The following AFDN variants were observed in gnomAD, a reference collection of about 807,000 sequenced individuals.
AFDN encodes the protein afadin.
Under a neutral mutation model 216.6 loss-of-function variants are expected in AFDN, and 68 were observed. That is an observed-to-expected ratio of 0.31 (90% CI 0.26 to 0.38). AFDN has a LOEUF of 0.38. AFDN is among the 10% of genes least tolerant of loss of function. The pLI is 1.00. For synonymous variants in AFDN, 868 were observed against 853.7 expected (o/e 1.02, Z -0.29); for missense variants, 2,136 against 2,342.0 (o/e 0.91, Z 1.82).
intron 2 of AFDN, 100 bp downstream of exon 2, chr6:167,864,846 T>TC (rs1783992330): frequency 8.3e-7 from 1 of 1,200,154 alleles, no homozygotes; most frequent in South Asian, 1.2e-5. Flanking sequence ...ACTGCTCGTC[T>TC]CCATCTTTCT....
upstream of AFDN, chr6:167,826,804 A>C (rs1419150185): frequency 6.8e-6 from 1 of 147,120 alleles, no homozygotes; most frequent in African/African-American, 2.5e-5. Flanking sequence ...AGCGGCCCGG[A>C]GGTGCGGCGG....
chr6:167,970,105 ATT>A lies in AFDN; in HGVS notation c.*173_*174del. ...AAATGTTTCAATTCCAAGAAATTTT[ATT>A]TTACTTTACCATGAGATTGCCATTT... On this transcript the variant is annotated 3_prime_UTR_variant, in exon 34 of 34. Coordinates refer to ENST00000683244, the MANE Select transcript of AFDN (RefSeq NM_001386888.1). 1 of 589,178 alleles carries A rather than the reference ATT, an allele frequency of 1.7e-6. No individual in the cohort carries two copies. Among genetic ancestry groups the A allele is most frequent in the Non-Finnish European group, 2.8e-6 (1 of 356,148 alleles). The allele number at this position is 589,178 out of a possible 1,614,324, so 36.5% of individuals were successfully genotyped here. A position where few individuals can be genotyped will look rare whatever the true frequency, so the allele number is the denominator to read the frequency against.
intron 32 of AFDN, among the ~76,000 whole-genome samples, chr6:167,966,781 G>A (rs188265673): frequency 1.1e-4 from 17 of 152,314 alleles, no homozygotes; most frequent in African/African-American, 3.4e-4. Context: ...TGGTGTGGCC[G>A]GAGCATCCGC....
intron 30 of AFDN, among the ~76,000 whole-genome samples, chr6:167,961,536 A>G (rs1463748488): frequency 3.9e-5 from 6 of 152,252 alleles, no homozygotes; most frequent in African/African-American, 1.4e-4. Context: ...AATTGAAAAG[A>G]AGGGACTTAG....
At chr6:167,902,628 CTG>C (rs1789133977) in intron 12 of AFDN, among the ~76,000 whole-genome samples, 1 of 152,120 alleles carries the variant, frequency 6.6e-6, no homozygotes, top group South Asian at 2.1e-4. Flanking sequence ...ACAACAATAA[CTG>C]AAGATAAAAT....
Position 167,914,756 on chromosome 6 carries a change from C to A in AFDN, c.2299+18C>A. ...AAAAATAGGTTAGGATGTTTTCTGA[C>A]TGTCTCCCTCTATCCCGCTTCCTTC... On this transcript the variant is annotated intron_variant, in intron 18 of 33. Coordinates refer to ENST00000683244, the MANE Select transcript of AFDN (RefSeq NM_001386888.1). 3 of 1,506,704 alleles carry A rather than the reference C, an allele frequency of 2.0e-6. No individual in the cohort carries two copies. The highest frequency in any genetic ancestry group is 1.4e-5 in the African/African-American group (1 of 72,802). 93.3% of individuals were successfully genotyped at this position (1,506,704 alleles called of 1,614,324 possible). A position where few individuals can be genotyped will look rare whatever the true frequency, so the allele number is the denominator to read the frequency against.
intron 30 of AFDN, among the ~76,000 whole-genome samples, chr6:167,959,682 AAC>A (rs1163620089): frequency 6.6e-6 from 1 of 152,192 alleles, no homozygotes; most frequent in African/African-American, 2.4e-5. Context: ...CAAAATTATA[AAC>A]ACACAGATCT....
At chr6:167,917,497 TGTTGG>T (rs1310883913) in intron 20 of AFDN, among the ~76,000 whole-genome samples, 1 of 152,186 alleles carries the variant, frequency 6.6e-6, no homozygotes, top group African/African-American at 2.4e-5. Context: ...TGCCCAGGAC[TGTTGG>T]GTTCCAGTGT....
At chr6:167,880,280 TCAAGTGAC>T in intron 5 of AFDN, 72 bp from the exon 6 acceptor site, 1 of 1,360,106 alleles carries the variant, frequency 7.4e-7, no homozygotes, top group South Asian at 1.3e-5. Context: ...TACCTTTTTC[TCAAGTGAC>T]TGTAAATGTT....
intron 30 of AFDN, among the ~76,000 whole-genome samples, chr6:167,961,049 A>G (rs1226597968): frequency 6.6e-6 from 1 of 151,358 alleles, no homozygotes; most frequent in African/African-American, 2.4e-5. Flanking sequence ...ATCAAGGGAG[A>G]GTGAAGTTGA....
Position 167,889,196 on chromosome 6 carries a change from A to G in AFDN, c.898-19A>G, listed in dbSNP as rs371938108. On this transcript the variant is annotated intron_variant, in intron 6 of 33. Transcript: ENST00000683244. ...AGTTACTTTGGCACATTCATAGTTA[A>G]TTATTTTTGTTTTTTTAGGTTATGC... 3.2e-4 allele frequency: 490 copies of G among 1,553,208 alleles called. 7 individuals are homozygous for G. In the South Asian group the frequency reaches 5.2e-3, roughly 16 times the overall value.
chr6:167,925,161 G>T, intron 23 of AFDN, 70 bp downstream of exon 23: 3 of 1,079,206 alleles, frequency 2.8e-6, no homozygotes, highest in Non-Finnish European at 4.3e-6. Flanking sequence ...TTGTCAGAGT[G>T]GATCGTGTGG....
chr6:167,951,431 C>G lies in AFDN; in HGVS notation c.4077C>G (p.Thr1359=), dbSNP rs745520239. The change falls in exon 30 of 34, where the codon ACC becomes ACG. Residue 1359 remains threonine, a synonymous_variant. Transcript: ENST00000683244. The surrounding 1 kb of genome is among the most constrained non-coding windows in gnomAD (Gnocchi z 7.1). ...RWKTPAAIPA[T]PVAVSQPIRT... ...AAACACCAGCAGCCATACCGGCCACCCCTGTGGCCGTCTCCCAGCCAATCC... is the reference window on the plus strand; with the variant it reads ...AAACACCAGCAGCCATACCGGCCACGCCTGTGGCCGTCTCCCAGCCAATCC... 6.2e-6 allele frequency: 10 copies of G among 1,613,972 alleles called. No individual in the cohort carries two copies. The African/African-American group carries it at 1.3e-4, about 22-fold the overall frequency.
intron 7 of AFDN, among the ~76,000 whole-genome samples, chr6:167,890,437 C>T (rs1209354864): frequency 6.6e-6 from 1 of 152,048 alleles, no homozygotes; most frequent in Non-Finnish European, 1.5e-5. Flanking sequence ...TAAATTTTTT[C>T]GTGGTGATTT....
chr6:167,830,492 A>G (rs1165925595), intron 1 of AFDN, among the ~76,000 whole-genome samples: 4 of 152,186 alleles, frequency 2.6e-5, no homozygotes, highest in Non-Finnish European at 4.4e-5. Context: ...TGTAGTGAAG[A>G]GTGTTTATTA....
intron 13 of AFDN, 53 bp from the exon 14 acceptor site, chr6:167,911,048 A>G (rs1410470638): frequency 2.1e-6 from 3 of 1,454,628 alleles, no homozygotes; most frequent in Admixed American, 1.9e-5. Flanking sequence ...GTTGTCAGTA[A>G]TATTGTTAGC....
In AFDN at chr6:167,951,535, C is replaced by G; in HGVS notation, c.4181C>G (p.Pro1394Arg). 1 of 1,613,932 alleles carries G rather than the reference C, an allele frequency of 6.2e-7. No individual in the cohort carries two copies. Among genetic ancestry groups the G allele is most frequent in the Non-Finnish European group, 8.5e-7 (1 of 1,179,894 alleles). ...GDFDGMSMDLPLPPPPSANQI... is the reference protein window; with the variant it reads ...GDFDGMSMDLRLPPPPSANQI... ...TTCGATGGAATGTCCATGGATTTGCCTCTCCCACCACCCCCTTCCGCCAAC... is the reference window on the plus strand; with the variant it reads ...TTCGATGGAATGTCCATGGATTTGCGTCTCCCACCACCCCCTTCCGCCAAC... Residue 1394 changes from proline (P) to arginine (R), a missense_variant, in exon 30 of 34, where the codon CCT becomes CGT. This residue lies in a region of AFDN where 981 missense variants were observed against 966.0 expected (regional missense o/e 1.02). Coordinates refer to ENST00000683244, the MANE Select transcript of AFDN (RefSeq NM_001386888.1). The surrounding 1 kb of genome is among the most constrained non-coding windows in gnomAD (Gnocchi z 7.1).
At chr6:167,867,815 A>G (rs1280971431) in intron 2 of AFDN, among the ~76,000 whole-genome samples, 1 of 152,200 alleles carries the variant, frequency 6.6e-6, no homozygotes, top group Non-Finnish European at 1.5e-5. Context: ...TACCTGGATA[A>G]TCTTTGTCAA....
intron 6 of AFDN, among the ~76,000 whole-genome samples, chr6:167,888,385 G>A (rs975940953): frequency 2.0e-5 from 3 of 152,142 alleles, no homozygotes; most frequent in Admixed American, 2.0e-4. Flanking sequence ...TTACAGGTTG[G>A]AAGTAATGTT....
Sources: allele counts gnomAD v4.1 joint callset (sites outside exome capture counted in the v4.1 genomes callset), GRCh38; gene constraint gnomAD v4.1.1; regional missense constraint gnomAD v4.1.1; non-coding constraint Gnocchi (gnomAD v3.1); transcripts MANE v1.5; gene names NCBI Gene and HGNC (gene_info 2026-07-23, HGNC 2026-07-21).